MCTP2: variants seen among roughly 807,000 people sequenced by gnomAD.
MCTP2 encodes the protein multiple C2 and transmembrane domain containing 2, also known as multiple C2 and transmembrane domain-containing protein 2.
In MCTP2, 132 loss-of-function variants were observed where a neutral mutation model predicts 111.6. The ratio of observed to expected loss-of-function variants is 1.18; its 90% CI spans 1.03 to 1.37. The LOEUF is 1.37. Among genes scored for constraint, MCTP2 ranks in the 40% most tolerant of loss-of-function variants. The probability of loss-of-function intolerance (pLI) is 0.00; values close to 1 mark genes in which losing one functional copy is unlikely to be tolerated. For missense variants in MCTP2, 1,183 were observed against 1,067.9 expected (o/e 1.11, Z -1.50); for synonymous variants, 395 against 387.7 (o/e 1.02, Z -0.22).
intron 1 of MCTP2, among the ~76,000 whole-genome samples, chr15:94,244,897 C>T (rs2071660430): frequency 8.6e-6 from 1 of 115,982 alleles, no homozygotes; most frequent in African/African-American, 2.8e-5. Flanking sequence ...TATGTATACA[C>T]ATACATATGC....
chr15:94,472,415 C>T (rs2074003683), intron 21 of MCTP2, among the ~76,000 whole-genome samples: 1 of 152,078 alleles, frequency 6.6e-6, no homozygotes, highest in South Asian at 2.1e-4. Context: ...AAGACAAATA[C>T]TCTATTTTCT....
chr15:94,258,668 A>C (rs576667003), intron 1 of MCTP2, among the ~76,000 whole-genome samples: 6 of 152,198 alleles, frequency 3.9e-5, no homozygotes. Context: ...AAACCAAAAA[A>C]ATCTTGTCTA....
At position 94,353,184 on chromosome 15, in the gene MCTP2, G is replaced by T. The variant is rs778767436; in HGVS notation, c.1006-2953G>T. Among the ~76,000 whole-genome samples, 90 of 152,146 alleles carry T rather than the reference G, an allele frequency of 5.9e-4. 1 individual carries two copies. The highest frequency in any genetic ancestry group is 9.6e-4 in the Non-Finnish European group (65 of 68,026). On this transcript the variant is annotated intron_variant, in intron 8 of 22. Coordinates refer to ENST00000357742, the MANE Select transcript of MCTP2 (RefSeq NM_001385001.1). ...TGCGTTAAATACTAAAATGTTCAAA[G>T]TCCGACTGAGATAGATAAAAGCTTT...
chr15:94,313,543 A>T (rs1286317813), intron 2 of MCTP2, among the ~76,000 whole-genome samples: 1 of 152,104 alleles, frequency 6.6e-6, no homozygotes, highest in Non-Finnish European at 1.5e-5. Flanking sequence ...TCTACTAAAA[A>T]TACAAAAATT....
intron 1 of MCTP2, among the ~76,000 whole-genome samples, chr15:94,236,394 T>C (rs974397273): frequency 6.3e-5 from 9 of 141,990 alleles, no homozygotes; most frequent in East Asian, 2.1e-4. Flanking sequence ...TTTTTTTTTT[T>C]TTTTTTTTTT....
In MCTP2 at chr15:94,339,275, C is replaced by G. The variant is rs757525333; in HGVS notation, c.638-15C>G. On this transcript the variant is annotated splice_polypyrimidine_tract_variant and intron_variant, in intron 4 of 22. Coordinates refer to ENST00000357742, the MANE Select transcript of MCTP2 (RefSeq NM_001385001.1). ...GTATTTTAAAATTCTGTCTTGTTTT[C>G]TTTTCCTTTTAAAGGCACAAGTGAT... The G allele has an allele frequency of 6.4e-7, 1 of 1,568,820 alleles. No individual in the cohort carries two copies. Among genetic ancestry groups the G allele is most frequent in the South Asian group, 1.2e-5 (1 of 85,814 alleles).
chr15:94,375,857 A>G (rs1261236842), intron 12 of MCTP2, among the ~76,000 whole-genome samples: 3 of 152,230 alleles, frequency 2.0e-5, no homozygotes, highest in Non-Finnish European at 4.4e-5. Flanking sequence ...ATAAAGATAC[A>G]TTTAATTACA....
chr15:94,277,586 G>A (rs2074277446), intron 1 of MCTP2, among the ~76,000 whole-genome samples: 1 of 152,154 alleles, frequency 6.6e-6, no homozygotes, highest in Non-Finnish European at 1.5e-5. Context: ...TATGTAATAT[G>A]TGATTCCAGC....
intron 17 of MCTP2, among the ~76,000 whole-genome samples, chr15:94,436,838 C>A (rs939413148): frequency 6.6e-6 from 1 of 151,234 alleles, no homozygotes; most frequent in Non-Finnish European, 1.5e-5. Flanking sequence ...AAACAACCAC[C>A]ATTGAGTATG....
rs1204193544 is a variant in MCTP2 at position 94,481,554 on chromosome 15, C to A, written c.*2520C>A. On this transcript the variant is annotated 3_prime_UTR_variant, in exon 23 of 23. Transcript: ENST00000357742. ...TATGCCTAGTTAATCTTCATTCAGA[C>A]TGGAAGGACCTGCCCCCAGTTGTTT... The A allele has an allele frequency of 6.6e-6, 1 of 152,272 alleles. No homozygotes were observed. The highest frequency in any genetic ancestry group is 2.4e-5 in the African/African-American group (1 of 41,464). The allele number at this position is 152,272 out of a possible 1,614,324, so 9.4% of individuals were successfully genotyped here.
chr15:94,265,952 G>A (rs1422254364), intron 1 of MCTP2, among the ~76,000 whole-genome samples: 6 of 152,080 alleles, frequency 3.9e-5, no homozygotes, highest in Non-Finnish European at 8.8e-5. Context: ...CAGTATTTTC[G>A]TCTGTGTTTT....
chr15:94,244,426 A>G lies in MCTP2; in HGVS notation c.-66+12762A>G, dbSNP rs537572955. 2.9e-4 allele frequency among the ~76,000 whole-genome samples: 44 copies of G among 149,802 alleles called. 1 individual carries two copies. In the South Asian group the frequency reaches 8.9e-3, roughly 30 times the overall value. ...TATATTCGTATATGTATACACATAC[A>G]TATGCACCTATGTTTATATACGTAT... On this transcript the variant is annotated intron_variant, in intron 1 of 22. Coordinates refer to ENST00000357742, the MANE Select transcript of MCTP2 (RefSeq NM_001385001.1).
chr15:94,276,405 C>A (rs1272105598), intron 1 of MCTP2, among the ~76,000 whole-genome samples: 2 of 151,978 alleles, frequency 1.3e-5, no homozygotes, highest in Non-Finnish European at 2.9e-5. Flanking sequence ...TCAATTCAAT[C>A]ACCAGTTAAA....
intron 1 of MCTP2, among the ~76,000 whole-genome samples, chr15:94,288,563 T>A (rs936921919): frequency 6.6e-6 from 1 of 152,206 alleles, no homozygotes; most frequent in Admixed American, 6.5e-5. Context: ...ATCAAGTGCT[T>A]CCTAAAACAA....
chr15:94,246,152 C>T (rs144689096), intron 1 of MCTP2, among the ~76,000 whole-genome samples: 5 of 152,050 alleles, frequency 3.3e-5, no homozygotes, highest in Non-Finnish European at 7.4e-5. Flanking sequence ...CTGAAGGACC[C>T]TTTGCAATGC....
At chr15:94,336,747 G>GTA (rs386383869) in intron 4 of MCTP2, among the ~76,000 whole-genome samples, 2 of 151,228 alleles carry the variant, frequency 1.3e-5, no homozygotes, top group East Asian at 1.9e-4. Context: ...ATATGTGTGT[G>GTA]TATATATATA....
At chr15:94,244,057 CAT>C (rs1274156081) in intron 1 of MCTP2, among the ~76,000 whole-genome samples, 4 of 145,864 alleles carry the variant, frequency 2.7e-5, no homozygotes, top group African/African-American at 7.5e-5. Flanking sequence ...TATGTATACA[CAT>C]ACATATGTGT....
At chr15:94,384,276 T>C (rs1220549561) in intron 13 of MCTP2, 152 bp downstream of exon 13, 4 of 592,456 alleles carry the variant, frequency 6.8e-6, no homozygotes, top group Non-Finnish European at 1.2e-5. Flanking sequence ...TTTTATAGAG[T>C]GTGGTGTTAA....
intron 20 of MCTP2, among the ~76,000 whole-genome samples, chr15:94,467,333 C>G (rs545479280): frequency 6.6e-6 from 1 of 152,054 alleles, no homozygotes; most frequent in Non-Finnish European, 1.5e-5. Flanking sequence ...TCCACTGTGT[C>G]TCCACTTTAA....
Sources: allele counts gnomAD v4.1 joint callset (sites outside exome capture counted in the v4.1 genomes callset), GRCh38; gene constraint gnomAD v4.1.1; transcripts MANE v1.5; gene names NCBI Gene and HGNC (gene_info 2026-07-23, HGNC 2026-07-21).